The following NCOA3 variants were observed in gnomAD, a reference collection of about 807,000 sequenced individuals.
NCOA3 encodes the protein nuclear receptor coactivator 3.
Under a neutral mutation model 158.8 loss-of-function variants are expected in NCOA3, and 51 were observed. That is an observed-to-expected ratio of 0.32 (90% CI 0.26 to 0.41). NCOA3 has a LOEUF of 0.41. Among genes scored for constraint, NCOA3 ranks in the 10% least tolerant of loss-of-function variants. The probability of loss-of-function intolerance (pLI) is 1.00; values close to 1 mark genes in which losing one functional copy is unlikely to be tolerated. For synonymous variants in NCOA3, 537 were observed against 592.4 expected (o/e 0.91, Z 1.36); for missense variants, 1,510 against 1,746.6 (o/e 0.86, Z 2.41).
chr20:47,627,779 A>G, intron 7 of NCOA3, 30 bp downstream of exon 7: 2 of 1,601,712 alleles, frequency 1.2e-6, no homozygotes, highest in Middle Eastern at 1.7e-4. Context: ...TGTGATGTTC[A>G]TGAAACAAAT....
intron 1 of NCOA3, among the ~76,000 whole-genome samples, chr20:47,567,425 G>A (rs2085215092): frequency 6.6e-6 from 1 of 151,180 alleles, no homozygotes; most frequent in Non-Finnish European, 1.5e-5. Context: ...GAGCTAGGAT[G>A]TTATACTATT....
chr20:47,626,862 C>T, intron 5 of NCOA3, 140 bp from the exon 6 acceptor site: 1 of 688,278 alleles, frequency 1.5e-6, no homozygotes, highest in Admixed American at 3.2e-5. Context: ...CCGTTATGAC[C>T]TCATTTATCT....
At chr20:47,515,800 A>C (rs2146067648) in intron 1 of NCOA3, among the ~76,000 whole-genome samples, 1 of 152,242 alleles carries the variant, frequency 6.6e-6, no homozygotes, top group East Asian at 1.9e-4. Context: ...TATTATCATC[A>C]ATCAATAAGT....
chr20:47,516,217 T>C (rs1216410885), intron 1 of NCOA3, among the ~76,000 whole-genome samples: 1 of 152,138 alleles, frequency 6.6e-6, no homozygotes, highest in Non-Finnish European at 1.5e-5. Flanking sequence ...TCAGTGTAGG[T>C]ACAAATGTAT....
At chr20:47,522,204 G>A (rs939027629) in intron 1 of NCOA3, among the ~76,000 whole-genome samples, 1 of 141,954 alleles carries the variant, frequency 7.0e-6, no homozygotes, top group Non-Finnish European at 1.5e-5. Flanking sequence ...ACTGGTTCAC[G>A]CCATTCTCCT....
intron 1 of NCOA3, among the ~76,000 whole-genome samples, chr20:47,548,637 G>A (rs1324095182): frequency 6.6e-6 from 1 of 152,126 alleles, no homozygotes; most frequent in Non-Finnish European, 1.5e-5. Flanking sequence ...GGTACATGTC[G>A]ATAGACATTA....
intron 1 of NCOA3, among the ~76,000 whole-genome samples, chr20:47,549,438 C>T (rs1296817542): frequency 6.6e-6 from 1 of 151,298 alleles, no homozygotes; most frequent in Non-Finnish European, 1.5e-5. Flanking sequence ...CAGGTACCTG[C>T]GGTCCCAGCT....
At chr20:47,567,337 C>G (rs117341240) in intron 1 of NCOA3, among the ~76,000 whole-genome samples, 5 of 151,568 alleles carry the variant, frequency 3.3e-5, no homozygotes, top group African/African-American at 1.2e-4. Flanking sequence ...TGAGCCACTG[C>G]ACTCGGTTGT....
intron 12 of NCOA3, 28 bp downstream of exon 12, chr20:47,636,790 C>G: frequency 6.5e-7 from 1 of 1,533,224 alleles, no homozygotes; most frequent in Non-Finnish European, 8.8e-7. Context: ...TATTTCAGCT[C>G]ATATTTCATC....
Position 47,627,046 on chromosome 20 carries a change from T to C in NCOA3, c.402T>C (p.Ile134=), listed in dbSNP as rs1453793948. 1.2e-6 allele frequency: 2 copies of C among 1,613,674 alleles called. No homozygotes were observed. Among genetic ancestry groups the C allele is most frequent in the South Asian group, 2.2e-5 (2 of 90,986 alleles). ...TTGTGGTGAATCGAGACGGAAACAT[T>C]GTATTTGTATCAGAAAATGTCACAC... ...FLFVVNRDGN[I]VFVSENVTQY... Residue 134 remains isoleucine, a synonymous_variant, in exon 6 of 23, where the codon ATT becomes ATC. Coordinates refer to ENST00000371998, the MANE Select transcript of NCOA3 (RefSeq NM_181659.3).
At chr20:47,589,084 G>T (rs2085583829) in intron 2 of NCOA3, among the ~76,000 whole-genome samples, 1 of 151,862 alleles carries the variant, frequency 6.6e-6, no homozygotes, top group Non-Finnish European at 1.5e-5. Context: ...GTAGAGACAG[G>T]TTTTCACCAT....
chr20:47,569,981 G>A (rs2085265688), intron 1 of NCOA3, among the ~76,000 whole-genome samples: 1 of 152,042 alleles, frequency 6.6e-6, no homozygotes, highest in African/African-American at 2.4e-5. Context: ...CTGCGCTCCA[G>A]CCTGGTTGAC....
At chr20:47,618,208 C>G (rs2086171320) in intron 2 of NCOA3, among the ~76,000 whole-genome samples, 1 of 152,006 alleles carries the variant, frequency 6.6e-6, no homozygotes, top group South Asian at 2.1e-4. Flanking sequence ...GCACTCCAGC[C>G]TGGGTGACAG....
intron 1 of NCOA3, among the ~76,000 whole-genome samples, chr20:47,565,290 T>G (rs1257331342): frequency 6.6e-6 from 1 of 152,128 alleles, no homozygotes; most frequent in African/African-American, 2.4e-5. Context: ...CCCAGATGTC[T>G]CTCTTAATGA....
chr20:47,636,240 T>G lies in NCOA3; in HGVS notation c.1854T>G (p.His618Gln). 2 of 1,614,142 alleles carry G rather than the reference T, an allele frequency of 1.2e-6. No individual in the cohort carries two copies. The highest frequency in any genetic ancestry group is 2.2e-5 in the South Asian group (2 of 91,080). The change falls in exon 12 of 23, where the codon CAT becomes CAG. Residue 618 changes from histidine (H) to glutamine (Q), a missense_variant. His to Gln is a conservative substitution (Grantham distance 24, BLOSUM62 0). Around this residue, in one of 4 missense-constraint regions of NCOA3, gnomAD observed 1,017 missense variants for 1,098.3 expected, o/e 0.93. Transcript: ENST00000371998. ...GGGGTCCTTTGGAAAGCAAAGGTCA[T>G]AAAAAATTACTGCAGTTACTTACCT... The part of the protein sequence containing the change: ...NQRGPLESKG[H>Q]KKLLQLLTCS...
chr20:47,528,379 C>T (rs1281752778), intron 1 of NCOA3, among the ~76,000 whole-genome samples: 1 of 152,084 alleles, frequency 6.6e-6, no homozygotes, highest in Non-Finnish European at 1.5e-5. Context: ...TTGTCTGTTT[C>T]ATTATTTATT....
chr20:47,546,184 A>C (rs2084824690), intron 1 of NCOA3, among the ~76,000 whole-genome samples: 2 of 152,060 alleles, frequency 1.3e-5, no homozygotes, highest in Admixed American at 6.6e-5. Flanking sequence ...TTTCTTTCTC[A>C]TTGTTGGTAA....
chr20:47,529,655 A>AC, intron 1 of NCOA3, among the ~76,000 whole-genome samples: 1 of 152,086 alleles, frequency 6.6e-6, no homozygotes, highest in African/African-American at 2.4e-5. Context: ...CAAGTGATCC[A>AC]CCGGCTCAAC....
chr20:47,510,786 T>G (rs948634913), intron 1 of NCOA3, among the ~76,000 whole-genome samples: 1 of 152,046 alleles, frequency 6.6e-6, no homozygotes, highest in Non-Finnish European at 1.5e-5. Flanking sequence ...ATAGAAGGTG[T>G]GTCTTTGGCT....
Sources: allele counts gnomAD v4.1 joint callset (sites outside exome capture counted in the v4.1 genomes callset), GRCh38; gene constraint gnomAD v4.1.1; regional missense constraint gnomAD v4.1.1; transcripts MANE v1.5; gene names NCBI Gene and HGNC (gene_info 2026-07-23, HGNC 2026-07-21).